The following DLG2 variants were observed in gnomAD, a reference collection of about 807,000 sequenced individuals.
The protein encoded by DLG2 is disks large homolog 2.
DLG2 carries 45 observed loss-of-function variants against 132.5 expected under a neutral mutation model. The ratio of observed to expected loss-of-function variants is 0.34; its 90% CI spans 0.27 to 0.44. DLG2 has a LOEUF of 0.44. Ranked by LOEUF, DLG2 falls within the 20% of genes least tolerant of loss-of-function variation. The pLI is 1.00. For missense variants in DLG2, 1,045 were observed against 1,196.9 expected, an observed-to-expected ratio of 0.87 and a Z score of 1.87; for synonymous variants, 424 against 419.6, an observed-to-expected ratio of 1.01 and a Z score of -0.13.
intron 6 of DLG2, among the ~76,000 whole-genome samples, chr11:85,013,553 T>G (rs2059325165): frequency 6.6e-6 from 1 of 152,184 alleles, no homozygotes; most frequent in Non-Finnish European, 1.5e-5. Context: ...GAAAACAAAT[T>G]ATCAGCTCCT....
At chr11:83,850,302 T>TGC (rs2059514102) in intron 16 of DLG2, among the ~76,000 whole-genome samples, 1 of 152,002 alleles carries the variant, frequency 6.6e-6, no homozygotes, top group Admixed American at 6.6e-5. Context: ...TACAGGCATG[T>TGC]GCCACCACTC....
intron 21 of DLG2, among the ~76,000 whole-genome samples, chr11:83,530,804 T>C (rs530385298): frequency 2.0e-5 from 3 of 151,968 alleles, no homozygotes; most frequent in Admixed American, 1.3e-4. Flanking sequence ...CTCTCTCTTT[T>C]TGCATGTATA....
At chr11:85,242,831 T>A (rs1360760458) in intron 4 of DLG2, among the ~76,000 whole-genome samples, 1 of 151,894 alleles carries the variant, frequency 6.6e-6, no homozygotes, top group Non-Finnish European at 1.5e-5. Context: ...CTATATTTGT[T>A]CCCTTTTTTC....
intron 3 of DLG2, among the ~76,000 whole-genome samples, chr11:85,484,169 G>A (rs544849395): frequency 2.8e-5 from 4 of 143,464 alleles, no homozygotes; most frequent in South Asian, 4.4e-4. Flanking sequence ...TCCGCCCGGA[G>A]GATTCAACCC....
At chr11:84,391,829 G>C (rs1160444120) in intron 7 of DLG2, among the ~76,000 whole-genome samples, 1 of 151,150 alleles carries the variant, frequency 6.6e-6, no homozygotes, top group African/African-American at 2.4e-5. Flanking sequence ...GCTGTTTGCA[G>C]TTTAGTATGC....
At chr11:83,872,876 C>T (rs1288829734) in intron 16 of DLG2, among the ~76,000 whole-genome samples, 1 of 152,092 alleles carries the variant, frequency 6.6e-6, no homozygotes, top group Non-Finnish European at 1.5e-5. Context: ...TAAAATTAGT[C>T]CCCACACCCT....
intron 19 of DLG2, among the ~76,000 whole-genome samples, chr11:83,629,650 T>C (rs2063227274): frequency 6.6e-6 from 1 of 152,190 alleles, no homozygotes; most frequent in Admixed American, 6.6e-5. Context: ...GGAAAAGCCT[T>C]GTTCTTTCTT....
intron 7 of DLG2, among the ~76,000 whole-genome samples, chr11:84,403,584 C>T (rs2098838211): frequency 6.6e-6 from 1 of 152,022 alleles, no homozygotes; most frequent in Admixed American, 6.6e-5. Flanking sequence ...GATTAACCTC[C>T]CTAAAAAAAA....
intron 4 of DLG2, among the ~76,000 whole-genome samples, chr11:85,172,411 G>A (rs1054723624): frequency 6.6e-6 from 1 of 152,092 alleles, no homozygotes; most frequent in East Asian, 1.9e-4. Flanking sequence ...CAAACAGAAA[G>A]CTACAACAAC....
chr11:83,987,032 T>C (rs1420693517), intron 11 of DLG2, among the ~76,000 whole-genome samples: 3 of 152,276 alleles, frequency 2.0e-5, no homozygotes, highest in African/African-American at 4.8e-5. Context: ...CTGATGGTAG[T>C]TTCTTTTGCT....
rs57382244 is a variant in DLG2 at position 83,797,219 on chromosome 11, A to AAAG, written c.1723-10430_1723-10428dup. ...AATGTGAGAAAGAAGTGATGAAGGA[A>AAAG]AAGAAGAAGAAGAAGAAGAAGAAGA... On this transcript the variant is annotated intron_variant, in intron 17 of 27. Transcript: ENST00000376104. 2.6e-3 allele frequency among the ~76,000 whole-genome samples: 401 copies of AAAG among 151,418 alleles called. 1 individual carries two copies. The highest frequency in any genetic ancestry group is 4.2e-3 in the Non-Finnish European group (283 of 67,850).
chr11:84,250,729 A>G (rs1255679839), intron 8 of DLG2, among the ~76,000 whole-genome samples: 1 of 152,146 alleles, frequency 6.6e-6, no homozygotes, highest in African/African-American at 2.4e-5. Context: ...GGTTTGCTTG[A>G]TCCTATTATC....
chr11:84,711,696 T>C (rs141263916), intron 6 of DLG2, among the ~76,000 whole-genome samples: 4 of 152,002 alleles, frequency 2.6e-5, no homozygotes, highest in Admixed American at 2.6e-4. Flanking sequence ...TTACTCAGGC[T>C]TTTTGTTCTA....
intron 4 of DLG2, among the ~76,000 whole-genome samples, chr11:85,185,730 G>T (rs563715098): frequency 1.3e-5 from 2 of 151,834 alleles, no homozygotes; most frequent in Admixed American, 6.6e-5. Context: ...ACAGCTAAGT[G>T]CCATCATCCT....
intron 5 of DLG2, among the ~76,000 whole-genome samples, chr11:85,142,578 A>G (rs537141134): frequency 6.6e-6 from 1 of 151,854 alleles, no homozygotes; most frequent in African/African-American, 2.4e-5. Context: ...TAATTACTCT[A>G]GCTAGGACTT....
intron 9 of DLG2, among the ~76,000 whole-genome samples, chr11:84,143,589 G>A (rs1393519106): frequency 6.6e-6 from 1 of 152,028 alleles, no homozygotes; most frequent in East Asian, 1.9e-4. Flanking sequence ...AAATGCATCA[G>A]GCTCATCAAC....
intron 6 of DLG2, among the ~76,000 whole-genome samples, chr11:84,854,770 T>C (rs1226044689): frequency 2.6e-5 from 4 of 151,958 alleles, no homozygotes; most frequent in African/African-American, 7.2e-5. Context: ...AAGCCTACTA[T>C]AAATCCTACC....
chr11:85,159,556 G>A (rs1017317965), intron 4 of DLG2, among the ~76,000 whole-genome samples: 3 of 152,172 alleles, frequency 2.0e-5, no homozygotes, highest in Admixed American at 1.3e-4. Context: ...CTCCTATTTG[G>A]CCTGTGCAGA....
chr11:85,518,366 A>C (rs2094210933), intron 3 of DLG2, among the ~76,000 whole-genome samples: 1 of 152,150 alleles, frequency 6.6e-6, no homozygotes, highest in Admixed American at 6.5e-5. Context: ...ACTTGTTGGG[A>C]ACTGGAGCAA....
Sources: allele counts gnomAD v4.1 joint callset (sites outside exome capture counted in the v4.1 genomes callset), GRCh38; gene constraint gnomAD v4.1.1; transcripts MANE v1.5; gene names NCBI Gene and HGNC (gene_info 2026-07-23, HGNC 2026-07-21).